KLHDC3: variants seen among roughly 807,000 people sequenced by gnomAD.
The protein encoded by KLHDC3 is kelch domain-containing protein 3.
In KLHDC3, 5 loss-of-function variants were observed where a neutral mutation model predicts 44.1. That is an observed-to-expected ratio of 0.11 (90% confidence interval 0.06 to 0.24). The LOEUF (loss-of-function observed/expected upper bound fraction) is 0.24. Among genes scored for constraint, KLHDC3 ranks in the 10% least tolerant of loss-of-function variants. KLHDC3 has a pLI of 1.00. For synonymous variants in KLHDC3, 170 were observed against 189.0 expected (o/e 0.90, Z 0.82); for missense variants, 247 against 514.3 (o/e 0.48, Z 5.03).
intron 1 of KLHDC3, 162 bp from the exon 2 acceptor site, chr6:43,016,972 G>A (rs1762593005): frequency 1.7e-6 from 1 of 591,724 alleles, no homozygotes; most frequent in South Asian, 2.0e-5. Context: ...GCTCCCTTGG[G>A]GCAGGGCCAG....
chr6:43,018,045 G>T lies in KLHDC3; in HGVS notation c.447+77G>T. 6.9e-7 allele frequency: 1 copy of T among 1,443,330 alleles called. No homozygotes were observed. Among genetic ancestry groups the T allele is most frequent in the Non-Finnish European group, 9.8e-7 (1 of 1,024,430 alleles). The allele number at this position is 1,443,330 out of a possible 1,614,324, so 89.4% of individuals were successfully genotyped here. ...AAGGGCAATTTAGGATGGTGAAATG[G>T]GAGGCTTTGGCTTGTTTGCAGGTTT... On this transcript the variant is annotated intron_variant, in intron 4 of 10. Coordinates refer to ENST00000326974, the MANE Select transcript of KLHDC3 (RefSeq NM_057161.4). This position sits in a 1 kb window ranked among gnomAD's most constrained non-coding sequence, Gnocchi z 6.0.
At chr6:43,020,444 G>C (rs867358636) in intron 10 of KLHDC3, among the ~76,000 whole-genome samples, 1 of 152,112 alleles carries the variant, frequency 6.6e-6, no homozygotes, top group African/African-American at 2.4e-5. Context: ...ACATAAACCG[G>C]AAATCCATAT....
Position 43,018,591 on chromosome 6 carries a change from C to A in KLHDC3, c.733+35C>A. The A allele has an allele frequency of 6.2e-7, 1 of 1,612,128 alleles. No individual in the cohort carries two copies. The highest frequency in any genetic ancestry group is 8.5e-7 in the Non-Finnish European group (1 of 1,178,254). ...TGTTACTTCCCTGTGGAGTTCCCTT[C>A]CTGCCCTCTTCACACTCCTGACACT... On this transcript the variant is annotated intron_variant, in intron 6 of 10. Transcript: ENST00000326974. The surrounding 1 kb of genome is among the most constrained non-coding windows in gnomAD (Gnocchi z 6.0).
Position 43,020,648 on chromosome 6 carries a change from CTTA to C in KLHDC3, c.1083-16_1083-14del. ...TGAGGGCCCCCTCTTCTTTCTGTCTCTTATTGTTGGCCTTCCAGGTGGGAGCTG... is the reference window on the plus strand; with the variant it reads ...TGAGGGCCCCCTCTTCTTTCTGTCTCTTGTTGGCCTTCCAGGTGGGAGCTG... On this transcript the variant is annotated splice_polypyrimidine_tract_variant and intron_variant, in intron 10 of 10. Transcript: ENST00000326974. The C allele has an allele frequency of 6.2e-7, 1 of 1,608,076 alleles. No homozygotes were observed. The highest frequency in any genetic ancestry group is 8.5e-7 in the Non-Finnish European group (1 of 1,174,690).
rs776510974 is a variant in KLHDC3 at position 43,018,849 on chromosome 6, A to G, written c.821-14A>G. ...CTAGGCAGGTATTGAACTTCCATATAAATTTCTCTTCAGTGTCCTTTACCT... is the reference window on the plus strand; with the variant it reads ...CTAGGCAGGTATTGAACTTCCATATGAATTTCTCTTCAGTGTCCTTTACCT... On this transcript the variant is annotated splice_polypyrimidine_tract_variant and intron_variant, in intron 7 of 10. Transcript: ENST00000326974. The surrounding 1 kb of genome is among the most constrained non-coding windows in gnomAD (Gnocchi z 6.0). 17 of 1,599,350 alleles carry G rather than the reference A, an allele frequency of 1.1e-5. No homozygotes were observed. The highest frequency in any genetic ancestry group is 4.0e-5 in the African/African-American group (3 of 74,518).
chr6:43,015,906 G>T (rs1581875076), intron 1 of KLHDC3, among the ~76,000 whole-genome samples: 1 of 142,734 alleles, frequency 7.0e-6, no homozygotes, highest in South Asian at 2.2e-4. Flanking sequence ...TCTTTCTCTT[G>T]TCCTGCCCAA....
chr6:43,020,592 T>C, intron 10 of KLHDC3, 75 bp from the exon 11 acceptor site: 1 of 1,205,978 alleles, frequency 8.3e-7, no homozygotes, highest in Non-Finnish European at 1.2e-6. Flanking sequence ...GGTGTGTTTT[T>C]AGCTTGGTTC....
rs570075019 is a variant in KLHDC3 at position 43,018,303 on chromosome 6, T to A, written c.520-40T>A. On this transcript the variant is annotated intron_variant, in intron 5 of 10. Coordinates refer to ENST00000326974, the MANE Select transcript of KLHDC3 (RefSeq NM_057161.4). This position sits in a 1 kb window ranked among gnomAD's most constrained non-coding sequence, Gnocchi z 6.0. ...AGTCAGAGGAGATCCTCTTCCAGTC[T>A]TTGTGCTGACCCCTCCACCATCTCT... is the stretch of plus-strand genomic sequence containing the variant. 6.3e-7 allele frequency: 1 copy of A among 1,597,100 alleles called. No homozygotes were observed. Among genetic ancestry groups the A allele is most frequent in the South Asian group, 1.1e-5 (1 of 90,756 alleles).
Position 43,018,804 on chromosome 6 carries a change from G to A in KLHDC3, c.821-59G>A, listed in dbSNP as rs1581878586. On this transcript the variant is annotated intron_variant, in intron 7 of 10. Coordinates refer to ENST00000326974, the MANE Select transcript of KLHDC3 (RefSeq NM_057161.4). This position sits in a 1 kb window ranked among gnomAD's most constrained non-coding sequence, Gnocchi z 6.0. ...ATAATCCTGAGGCGGTGAGGGATGG[G>A]GGTGGGGAAGATACCTGGACTAGGC... The A allele has an allele frequency of 3.2e-6, 5 of 1,544,594 alleles. No homozygotes were observed. In the African/African-American group the frequency reaches 4.1e-5, roughly 13 times the overall value.
Position 43,020,784 on chromosome 6 carries a change from C to G in KLHDC3, c.*51C>G. 7.1e-7 allele frequency: 1 copy of G among 1,403,622 alleles called. No homozygotes were observed. 86.9% of individuals were successfully genotyped at this position (1,403,622 alleles called of 1,614,324 possible). A position where few individuals can be genotyped will look rare whatever the true frequency, so the allele number is the denominator to read the frequency against. On this transcript the variant is annotated 3_prime_UTR_variant, in exon 11 of 11. Transcript: ENST00000326974. The stretch of plus-strand genomic sequence containing the variant: ...CTGAGCCTGCTGTCATCTTCACTGC[C>G]CCTGCCCATCTGTCACCCACCTGCT...
In KLHDC3 at chr6:43,021,122, C is replaced by T. The variant is rs1468645176; in HGVS notation, c.*389C>T. The T allele has an allele frequency of 2.1e-6, 1 of 471,956 alleles. No individual in the cohort carries two copies. The allele number at this position is 471,956 out of a possible 1,614,324, so 29.2% of individuals were successfully genotyped here. ...GCCTATCCCCTCCCCTCTGCTTGAG[C>T]CTTGAGCCTTGACTGGGAGCTGAAA... is the stretch of plus-strand genomic sequence containing the variant. On this transcript the variant is annotated 3_prime_UTR_variant, in exon 11 of 11. Coordinates refer to ENST00000326974, the MANE Select transcript of KLHDC3 (RefSeq NM_057161.4).
intron 10 of KLHDC3, 103 bp from the exon 11 acceptor site, chr6:43,020,564 T>G: frequency 2.2e-6 from 2 of 912,846 alleles, no homozygotes; most frequent in Non-Finnish European, 3.6e-6. Flanking sequence ...GGTTGACCTT[T>G]AGGAAGTTGG....
chr6:43,017,877 G>T lies in KLHDC3; in HGVS notation c.356G>T (p.Arg119Leu), dbSNP rs143719397. The T allele has an allele frequency of 6.2e-7, 1 of 1,614,030 alleles. No homozygotes were observed. Among genetic ancestry groups the T allele is most frequent in the East Asian group, 2.2e-5 (1 of 44,880 alleles). The change falls in exon 4 of 11, where the codon CGA becomes CTA. Residue 119 changes from arginine to leucine, a missense_variant. Physicochemically the swap from Arg to Leu is moderately radical, Grantham distance 102. This residue lies in a region of KLHDC3 where 176 missense variants were observed against 413.5 expected (regional missense o/e 0.43). Transcript: ENST00000326974. This position sits in a 1 kb window ranked among gnomAD's most constrained non-coding sequence, Gnocchi z 6.0. The stretch of plus-strand genomic sequence containing the variant: ...GATACGCACAAGTGGTTCACACCCC[G>T]AGTGTCAGGGACAGTTCCTGGGGCC... ...DVNTHKWFTPRVSGTVPGARD... is the reference protein window; with the variant it reads ...DVNTHKWFTPLVSGTVPGARD...
intron 8 of KLHDC3, 34 bp from the exon 9 acceptor site, chr6:43,019,058 T>C: frequency 6.3e-7 from 1 of 1,596,046 alleles, no homozygotes; most frequent in African/African-American, 1.3e-5. Context: ...GGGTAGTTTT[T>C]GTCCTACTTT....
intron 1 of KLHDC3, chr6:43,016,755 G>A (rs956039494): frequency 5.9e-6 from 1 of 169,372 alleles, no homozygotes; most frequent in Non-Finnish European, 1.3e-5. Context: ...CAGATTCTTA[G>A]AGAGGTGGCA....
At chr6:43,019,046 G>T (rs371024164) in intron 8 of KLHDC3, 46 bp from the exon 9 acceptor site, 1 of 1,577,304 alleles carries the variant, frequency 6.3e-7, no homozygotes, top group Non-Finnish European at 8.7e-7. Context: ...AGGGGGTTTC[G>T]TGGGTAGTTT....
At chr6:43,015,562 A>G (rs1762547254) in intron 1 of KLHDC3, among the ~76,000 whole-genome samples, 1 of 152,174 alleles carries the variant, frequency 6.6e-6, no homozygotes, top group African/African-American at 2.4e-5. Flanking sequence ...TTAAGAGACC[A>G]TGACCAGCTG....
At chr6:43,019,530 A>G (rs1762645720) in intron 10 of KLHDC3, among the ~76,000 whole-genome samples, 164 bp downstream of exon 10, 1 of 152,204 alleles carries the variant, frequency 6.6e-6, no homozygotes, top group South Asian at 2.1e-4. Flanking sequence ...ATTGACAGCC[A>G]TCATATAAAA....
intron 1 of KLHDC3, among the ~76,000 whole-genome samples, chr6:43,014,830 C>G (rs1327300698): frequency 1.3e-5 from 2 of 151,898 alleles, no homozygotes; most frequent in African/African-American, 2.4e-5. Flanking sequence ...CTCACGAGAT[C>G]AAGAAGGGCG....
Sources: gnomAD v4.1 joint callset for allele counts (sites outside exome capture counted in the v4.1 genomes callset) on GRCh38, gnomAD v4.1.1 for gene constraint, gnomAD v4.1.1 regional missense constraint, Gnocchi (gnomAD v3.1) non-coding constraint, MANE v1.5 for transcripts, NCBI Gene and HGNC (gene_info 2026-07-23, HGNC 2026-07-21) for gene names.